Variants in VAMP7 observed in about 807,000 individuals in gnomAD.
VAMP7 encodes the protein vesicle associated membrane protein 7, also known as vesicle-associated membrane protein 7.
VAMP7 carries 14 observed loss-of-function variants against 29.6 expected under a neutral mutation model. That is an observed-to-expected ratio of 0.47 (90% CI 0.31 to 0.74). The LOEUF is 0.74. Ranked by LOEUF, VAMP7 falls within the 30% of genes least tolerant of loss-of-function variation. The probability of loss-of-function intolerance (pLI) is 0.05; values close to 1 mark genes in which losing one functional copy is unlikely to be tolerated. For synonymous variants in VAMP7, 95 were observed against 88.1 expected, an observed-to-expected ratio of 1.08 and a Z score of -0.44; for missense variants, 223 against 262.4, an observed-to-expected ratio of 0.85 and a Z score of 1.04.
chrX:155,896,889 C>T (rs1044129178), intron 3 of VAMP7, among the ~76,000 whole-genome samples: 8 of 151,884 alleles, frequency 5.3e-5, no homozygotes, highest in Non-Finnish European at 7.4e-5. Flanking sequence ...TTTAATTTTC[C>T]TTTTCCAGAA....
At chrX:155,932,106 T>G (rs1344033657) in intron 6 of VAMP7, among the ~76,000 whole-genome samples, 1 of 152,214 alleles carries the variant, frequency 6.6e-6, no homozygotes, top group Non-Finnish European at 1.5e-5. Flanking sequence ...TTTTGGTTAC[T>G]GTAGCCTTGC....
At chrX:155,908,119 T>C (rs1320754934) in intron 5 of VAMP7, among the ~76,000 whole-genome samples, 2 of 149,992 alleles carry the variant, frequency 1.3e-5, no homozygotes, top group Non-Finnish European at 3.0e-5. Context: ...AGACGATGGG[T>C]GCCCAGGCAG....
intron 2 of VAMP7, among the ~76,000 whole-genome samples, chrX:155,889,971 C>T (rs1157236848): frequency 6.6e-6 from 1 of 152,046 alleles, no homozygotes; most frequent in Non-Finnish European, 1.5e-5. Flanking sequence ...TTGCCAGGCA[C>T]TTTGCTTGGT....
At chrX:155,890,163 C>T (rs1393331436) in intron 2 of VAMP7, among the ~76,000 whole-genome samples, 1 of 151,750 alleles carries the variant, frequency 6.6e-6, no homozygotes, top group African/African-American at 2.4e-5. Flanking sequence ...ATAGGGCGGG[C>T]ATATTTAGGG....
intron 6 of VAMP7, among the ~76,000 whole-genome samples, chrX:155,930,572 C>T (rs963672183): frequency 1.6e-4 from 25 of 151,634 alleles, no homozygotes; most frequent in African/African-American, 5.8e-4. Flanking sequence ...ATTGCTTGAA[C>T]CCAGGAATTC....
At chrX:155,899,468 A>C (rs1292965342) in intron 4 of VAMP7, among the ~76,000 whole-genome samples, 2 of 152,172 alleles carry the variant, frequency 1.3e-5, no homozygotes, top group Non-Finnish European at 2.9e-5. Flanking sequence ...TTTAAAAAAA[A>C]GCTGTATTGT....
intron 5 of VAMP7, among the ~76,000 whole-genome samples, chrX:155,900,790 T>G (rs2066051002): frequency 6.6e-6 from 1 of 152,128 alleles, no homozygotes; most frequent in African/African-American, 2.4e-5. Context: ...CATTCTAAAT[T>G]TACTAGTTTG....
chrX:155,917,124 A>G (rs191346470), intron 5 of VAMP7, among the ~76,000 whole-genome samples: 2 of 152,134 alleles, frequency 1.3e-5, no homozygotes, highest in African/African-American at 4.8e-5. Context: ...AATCTCTGAT[A>G]TCCTTTCTTC....
intron 1 of VAMP7, among the ~76,000 whole-genome samples, chrX:155,887,339 GA>G (rs2065876863): frequency 6.6e-6 from 1 of 152,104 alleles, no homozygotes; most frequent in Admixed American, 6.5e-5. Context: ...AGTCCCGGAG[GA>G]AAGTCGACAT....
chrX:155,919,756 G>GT, intron 5 of VAMP7, 57 bp from the exon 6 acceptor site: 1 of 1,499,658 alleles, frequency 6.7e-7, no homozygotes, highest in African/African-American at 1.4e-5. Context: ...TTTAAAAAAA[G>GT]TTTATTTTAT....
chrX:155,887,757 T>C (rs1307022222), intron 1 of VAMP7, among the ~76,000 whole-genome samples: 1 of 151,110 alleles, frequency 6.6e-6, no homozygotes, highest in Non-Finnish European at 1.5e-5. Context: ...GGTGAAACCC[T>C]GTCTGTACAA....
chrX:155,937,519 T>C (rs1006549566), intron 6 of VAMP7, among the ~76,000 whole-genome samples: 3 of 152,220 alleles, frequency 2.0e-5, no homozygotes, highest in Non-Finnish European at 4.4e-5. Flanking sequence ...AATATCACAT[T>C]GTATACCTTG....
At chrX:155,914,688 A>G (rs1430606833) in intron 5 of VAMP7, among the ~76,000 whole-genome samples, 4 of 152,186 alleles carry the variant, frequency 2.6e-5, no homozygotes, top group Admixed American at 6.6e-5. Context: ...ATGTTGAACC[A>G]GTCTTGCATC....
In VAMP7 at chrX:155,939,790, A is replaced by G. The variant is rs912795680; in HGVS notation, c.591A>G (p.Ser197=). Residue 197 remains serine, a synonymous_variant, in exon 7 of 8, where the codon TCA becomes TCG. Coordinates refer to ENST00000286448, the MANE Select transcript of VAMP7 (RefSeq NM_005638.6). ...LKLTIIIIIV[S]IVFIYIIVSP... is the part of the protein sequence containing the mutation. ...TCACTATTATCATCATCATCGTATC[A>G]ATTGTAAGTTTTTGTCCTTTTAGTG... The G allele has an allele frequency of 1.2e-6, 2 of 1,612,310 alleles. No individual in the cohort carries two copies. The highest frequency in any genetic ancestry group is 1.7e-6 in the Non-Finnish European group (2 of 1,178,558).
At chrX:155,914,204 T>C (rs2066278671) in intron 5 of VAMP7, among the ~76,000 whole-genome samples, 1 of 152,208 alleles carries the variant, frequency 6.6e-6, no homozygotes, top group Non-Finnish European at 1.5e-5. Flanking sequence ...TTTTTGCACA[T>C]TGATTTTGCA....
intron 4 of VAMP7, among the ~76,000 whole-genome samples, chrX:155,899,454 T>G (rs2066031116): frequency 1.3e-5 from 2 of 152,032 alleles, no homozygotes; most frequent in Admixed American, 1.3e-4. Flanking sequence ...GATTTTGTTG[T>G]GAGTTTAAAA....
chrX:155,940,899 C>T lies in VAMP7; in HGVS notation c.595-984C>T, dbSNP rs368908144. Among the ~76,000 whole-genome samples, 9 of 152,266 alleles carry T rather than the reference C, an allele frequency of 5.9e-5. No individual in the cohort carries two copies. In the East Asian group the frequency reaches 1.5e-3, roughly 26 times the overall value. ...CCCTGGCAATATTTATAGTTCCCTACAAGGCAAAATGCTTTGCTCACTTTT... is the reference window on the plus strand; with the variant it reads ...CCCTGGCAATATTTATAGTTCCCTATAAGGCAAAATGCTTTGCTCACTTTT... On this transcript the variant is annotated intron_variant, in intron 7 of 7. Transcript: ENST00000286448.
chrX:155,902,918 T>G (rs891329875), intron 5 of VAMP7, among the ~76,000 whole-genome samples: 1 of 151,848 alleles, frequency 6.6e-6, no homozygotes, highest in South Asian at 2.1e-4. Context: ...CTTTTTCTAT[T>G]GATTGGAATA....
intron 6 of VAMP7, among the ~76,000 whole-genome samples, chrX:155,935,195 G>A (rs1411091149): frequency 2.6e-5 from 4 of 151,850 alleles, no homozygotes; most frequent in African/African-American, 9.7e-5. Flanking sequence ...TGCTCTTCTC[G>A]AGGAGTATCT....
Sources: allele counts gnomAD v4.1 joint callset (sites outside exome capture counted in the v4.1 genomes callset), GRCh38; gene constraint gnomAD v4.1.1; transcripts MANE v1.5; gene names NCBI Gene and HGNC (gene_info 2026-07-23, HGNC 2026-07-21).